GALNTL6: variants seen among roughly 807,000 people sequenced by gnomAD.
GALNTL6 encodes polypeptide N-acetylgalactosaminyltransferase like 6.
Under a neutral mutation model 73.7 loss-of-function variants are expected in GALNTL6, and 46 were observed. The ratio of observed to expected loss-of-function variants is 0.62; its 90% CI spans 0.49 to 0.80. The LOEUF (loss-of-function observed/expected upper bound fraction) is 0.80. Ranked by LOEUF, GALNTL6 falls within the 30% of genes least tolerant of loss-of-function variation. The pLI is 0.00. For synonymous variants in GALNTL6, 259 were observed against 263.7 expected, an observed-to-expected ratio of 0.98 and a Z score of 0.17; for missense variants, 604 against 755.0, an observed-to-expected ratio of 0.80 and a Z score of 2.34.
intron 5 of GALNTL6, among the ~76,000 whole-genome samples, chr4:172,373,464 C>T (rs1049658882): frequency 6.6e-6 from 1 of 152,202 alleles, no homozygotes; most frequent in African/African-American, 2.4e-5. Flanking sequence ...GGGACTGCTG[C>T]ATTTCCTTAC....
At chr4:172,303,839 A>G (rs1427415926) in intron 3 of GALNTL6, among the ~76,000 whole-genome samples, 1 of 151,378 alleles carries the variant, frequency 6.6e-6, no homozygotes, top group Non-Finnish European at 1.5e-5. Flanking sequence ...AACTGCCCTC[A>G]CTCCCCTGCC....
intron 5 of GALNTL6, among the ~76,000 whole-genome samples, chr4:172,673,069 G>A (rs571693227): frequency 2.0e-5 from 3 of 152,114 alleles, no homozygotes; most frequent in African/African-American, 7.2e-5. Context: ...ATTGGGATTT[G>A]TTTGCTCTTG....
chr4:172,154,999 TC>T (rs1401337710), intron 2 of GALNTL6, among the ~76,000 whole-genome samples: 1 of 148,570 alleles, frequency 6.7e-6, no homozygotes, highest in South Asian at 2.1e-4. Context: ...GGAAATCGTA[TC>T]CTTTTTTTTT....
intron 2 of GALNTL6, among the ~76,000 whole-genome samples, chr4:172,156,899 T>G (rs531153730): frequency 6.6e-6 from 1 of 152,254 alleles, no homozygotes; most frequent in South Asian, 2.1e-4. Context: ...CTAACCATTA[T>G]ATACTTGTTA....
chr4:172,707,930 G>A (rs927888264), intron 5 of GALNTL6, among the ~76,000 whole-genome samples: 2 of 152,116 alleles, frequency 1.3e-5, no homozygotes, highest in African/African-American at 4.8e-5. Context: ...AGCAGGGGTG[G>A]GGTTGGGGAG....
chr4:172,272,515 G>T (rs1410814537), intron 3 of GALNTL6, among the ~76,000 whole-genome samples: 2 of 152,052 alleles, frequency 1.3e-5, no homozygotes, highest in East Asian at 3.9e-4. Flanking sequence ...TGATGTTTGT[G>T]GATATAAACA....
chr4:173,016,822 A>G (rs1422665410), intron 11 of GALNTL6, among the ~76,000 whole-genome samples: 2 of 152,190 alleles, frequency 1.3e-5, no homozygotes, highest in African/African-American at 4.8e-5. Flanking sequence ...GGAAGGGGCC[A>G]GGGGCAGAAT....
chr4:172,539,455 C>G (rs749141384), intron 5 of GALNTL6, among the ~76,000 whole-genome samples: 1 of 152,120 alleles, frequency 6.6e-6, no homozygotes, highest in Admixed American at 6.6e-5. Context: ...TTGGAAAGAC[C>G]TTTCCCTCCA....
intron 2 of GALNTL6, among the ~76,000 whole-genome samples, chr4:172,059,960 A>G (rs1050021327): frequency 6.6e-6 from 1 of 152,186 alleles, no homozygotes; most frequent in Non-Finnish European, 1.5e-5. Flanking sequence ...CCAGAAGGAG[A>G]GGCCTCAAAA....
At position 172,761,664 on chromosome 4, in the gene GALNTL6, T is replaced by C. The variant is rs938074293; in HGVS notation, c.554-47697T>C. Among the ~76,000 whole-genome samples, 3 of 102,100 alleles carry C rather than the reference T, an allele frequency of 2.9e-5. No homozygotes were observed. In the Admixed American group the frequency reaches 3.5e-4, roughly 12 times the overall value. 67.0% of individuals were successfully genotyped at this position (102,100 alleles called of 152,430 possible). A position where few individuals can be genotyped will look rare whatever the true frequency, so the allele number is the denominator to read the frequency against. ...AAAAGTGTGAGAGCTTCGCCCTTGC[T>C]CTCTTTCTCTCTCTCTCTCTCTCTC... On this transcript the variant is annotated intron_variant, in intron 5 of 12. Transcript: ENST00000506823.
intron 2 of GALNTL6, among the ~76,000 whole-genome samples, chr4:171,859,511 A>G (rs1327806375): frequency 6.6e-6 from 1 of 152,120 alleles, no homozygotes; most frequent in African/African-American, 2.4e-5. Flanking sequence ...ACACACTGCA[A>G]GGATGCATGG....
At chr4:172,120,410 C>T (rs1733115410) in intron 2 of GALNTL6, among the ~76,000 whole-genome samples, 1 of 152,114 alleles carries the variant, frequency 6.6e-6, no homozygotes, top group African/African-American at 2.4e-5. Context: ...TAGTGGCTGC[C>T]CTCATTCTTT....
rs1005765669 is a variant in GALNTL6 at position 171,814,699 on chromosome 4, C to T, written c.119C>T (p.Ala40Val). 1 of 1,613,894 alleles carries T rather than the reference C, an allele frequency of 6.2e-7. No homozygotes were observed. Among genetic ancestry groups the T allele is most frequent in the African/African-American group, 1.3e-5 (1 of 74,998 alleles). ...LYKDKHLVKSAEPGEQQTFPL... is the reference protein window; with the variant it reads ...LYKDKHLVKSVEPGEQQTFPL... ...AAGGATAAGCACCTGGTGAAGTCAG[C>T]GGAGCCCGGGGAGCAGCAGGTAAGT... The change falls in exon 2 of 13, where the codon GCG (alanine) becomes GTG (valine). Residue 40 changes from alanine to valine, a missense_variant. By Grantham distance (64) the Ala-to-Val change is moderately conservative. Coordinates refer to ENST00000506823, the MANE Select transcript of GALNTL6 (RefSeq NM_001034845.3).
At chr4:172,837,660 A>G (rs1742983249) in intron 7 of GALNTL6, among the ~76,000 whole-genome samples, 1 of 152,236 alleles carries the variant, frequency 6.6e-6, no homozygotes. Flanking sequence ...TACAGCCAAT[A>G]AAAAGGAGTA....
intron 2 of GALNTL6, among the ~76,000 whole-genome samples, chr4:172,031,859 G>C (rs1741781393): frequency 6.6e-6 from 1 of 151,954 alleles, no homozygotes; most frequent in Admixed American, 6.6e-5. Flanking sequence ...GTTTATATTA[G>C]ATATAATAAC....
At chr4:172,242,626 T>A (rs1737483620) in intron 3 of GALNTL6, among the ~76,000 whole-genome samples, 1 of 152,232 alleles carries the variant, frequency 6.6e-6, no homozygotes, top group African/African-American at 2.4e-5. Flanking sequence ...TATGTCTTTT[T>A]GCTACTTCAA....
intron 2 of GALNTL6, among the ~76,000 whole-genome samples, chr4:171,967,446 G>GGTTTTTTTTT (rs1249707413): frequency 6.7e-5 from 1 of 14,906 alleles, no homozygotes; most frequent in Admixed American, 1.4e-3. Context: ...TCCCCCTATG[G>GGTTTTTTTTT]GTTTTTTTTT....
intron 2 of GALNTL6, among the ~76,000 whole-genome samples, chr4:172,088,461 A>C (rs976866696): frequency 6.6e-6 from 1 of 152,224 alleles, no homozygotes; most frequent in African/African-American, 2.4e-5. Flanking sequence ...GATGTGTATA[A>C]CGCCTTCTTC....
intron 5 of GALNTL6, among the ~76,000 whole-genome samples, chr4:172,361,126 C>T (rs372068241): frequency 1.2e-4 from 18 of 152,210 alleles, no homozygotes; most frequent in East Asian, 9.6e-4. Flanking sequence ...TAGAAAAGTT[C>T]GCCACTCAAT....
Sources: allele counts gnomAD v4.1 joint callset (sites outside exome capture counted in the v4.1 genomes callset), GRCh38; gene constraint gnomAD v4.1.1; transcripts MANE v1.5; gene names NCBI Gene and HGNC (gene_info 2026-07-23, HGNC 2026-07-21).